The following TOLLIP variants were observed in gnomAD, a reference collection of about 807,000 sequenced individuals.
TOLLIP encodes the protein toll-interacting protein.
TOLLIP carries 16 observed loss-of-function variants against 33.5 expected under a neutral mutation model. The ratio of observed to expected loss-of-function variants is 0.48; its 90% confidence interval spans 0.32 to 0.72. The LOEUF (loss-of-function observed/expected upper bound fraction) is 0.72. Ranked by LOEUF, TOLLIP falls within the 30% of genes least tolerant of loss-of-function variation. The pLI is 0.03. For synonymous variants in TOLLIP, 176 were observed against 163.7 expected, an observed-to-expected ratio of 1.07 and a Z score of -0.57; for missense variants, 325 against 396.6, an observed-to-expected ratio of 0.82 and a Z score of 1.53.
In TOLLIP at chr11:1,277,222, C is replaced by A; in HGVS notation, c.642G>T (p.Val214=). 1 of 1,585,334 alleles carries A rather than the reference C, an allele frequency of 6.3e-7. No individual in the cohort carries two copies. Among genetic ancestry groups the A allele is most frequent in the African/African-American group, 1.3e-5 (1 of 74,442 alleles). The change falls in exon 6 of 6, where the codon GTG becomes GTT. Residue 214 remains valine, a synonymous_variant. Transcript: ENST00000317204. This position sits in a 1 kb window ranked among gnomAD's most constrained non-coding sequence, Gnocchi z 4.2. ...GMPAVCSPGM[V]PVALPPAAVN... ...CGGCGGCCGGGGGCAGGGCCACGGG[C>A]ACCATGCCGGGGCTACAGACAGCGG... is the stretch of plus-strand genomic sequence containing the variant.
At chr11:1,307,382 C>T (rs143854023) in intron 1 of TOLLIP, among the ~76,000 whole-genome samples, 36 of 152,324 alleles carry the variant, frequency 2.4e-4, no homozygotes, top group African/African-American at 8.2e-4. Context: ...CGTGTGAGAA[C>T]ATCTCCTGCC....
rs1863255760 is a variant in TOLLIP, at chr11:1,275,287, G to A, written c.*1752C>T. On this transcript the variant is annotated 3_prime_UTR_variant, in exon 6 of 6. Coordinates refer to ENST00000317204, the MANE Select transcript of TOLLIP (RefSeq NM_019009.4). The stretch of plus-strand genomic sequence containing the variant: ...CAGCAACGCGAAGGCAGAAACCGGT[G>A]CTGGTGGCCACACCTGGGCGCCTGG... The A allele has an allele frequency of 6.6e-6, 1 of 152,264 alleles. No homozygotes were observed. The highest frequency in any genetic ancestry group is 1.5e-5 in the Non-Finnish European group (1 of 68,068). 9.4% of individuals were successfully genotyped at this position (152,264 alleles called of 1,614,324 possible). A position where few individuals can be genotyped will look rare whatever the true frequency, so the allele number is the denominator to read the frequency against.
intron 5 of TOLLIP, among the ~76,000 whole-genome samples, chr11:1,281,778 C>T (rs1410333375): frequency 2.6e-5 from 4 of 152,254 alleles, no homozygotes; most frequent in Admixed American, 2.6e-4. Flanking sequence ...CCATGTGAGT[C>T]ATAAACACTT....
chr11:1,288,272 G>A (rs1863812592), intron 4 of TOLLIP, among the ~76,000 whole-genome samples: 1 of 152,194 alleles, frequency 6.6e-6, no homozygotes, highest in Admixed American at 6.5e-5. Flanking sequence ...GACCCTGGAG[G>A]GCTGCTCAGC....
rs1446543930 is a variant in TOLLIP, at chr11:1,278,587, C to T, written c.611-1334G>A. Among the ~76,000 whole-genome samples the T allele has an allele frequency of 6.6e-6, 1 of 152,164 alleles. No individual in the cohort carries two copies. The highest frequency in any genetic ancestry group is 1.5e-5 in the Non-Finnish European group (1 of 68,028). On this transcript the variant is annotated intron_variant, in intron 5 of 5. Transcript: ENST00000317204. The surrounding 1 kb of genome is among the most constrained non-coding windows in gnomAD (Gnocchi z 4.7). Reference sequence around the variant, plus strand: ...GCTTCCCGGCTCCTTCTAGGCCAGGCCGACTCTTCCTCCACACCCACCCCT... The same window carrying T: ...GCTTCCCGGCTCCTTCTAGGCCAGGTCGACTCTTCCTCCACACCCACCCCT...
In TOLLIP at chr11:1,276,859, G is replaced by T; in HGVS notation, c.*180C>A. 1.3e-6 allele frequency: 2 copies of T among 1,534,144 alleles called. No homozygotes were observed. The highest frequency in any genetic ancestry group is 1.7e-6 in the Non-Finnish European group (2 of 1,145,580). ...GGGAGCCCCCGCCCCGTCCTGGACC[G>T]CCAGGAACCGAAAACCCACATGCAC... On this transcript the variant is annotated 3_prime_UTR_variant, in exon 6 of 6. Coordinates refer to ENST00000317204, the MANE Select transcript of TOLLIP (RefSeq NM_019009.4).
Position 1,276,744 on chromosome 11 carries a change from C to T in TOLLIP, c.*295G>A, listed in dbSNP as rs5744019. Reference sequence around the variant, plus strand: ...TGGCAGAAGCAGCTGCTCTCTACAGCAAGAGCATTTTCCAGAACGGCATGA... The same window carrying T: ...TGGCAGAAGCAGCTGCTCTCTACAGTAAGAGCATTTTCCAGAACGGCATGA... On this transcript the variant is annotated 3_prime_UTR_variant, in exon 6 of 6. Coordinates refer to ENST00000317204, the MANE Select transcript of TOLLIP (RefSeq NM_019009.4). The T allele has an allele frequency of 6.8e-7, 1 of 1,472,910 alleles. No individual in the cohort carries two copies. 91.2% of individuals were successfully genotyped at this position (1,472,910 alleles called of 1,614,324 possible).
intron 2 of TOLLIP, among the ~76,000 whole-genome samples, chr11:1,293,327 A>G (rs1669968115): frequency 6.6e-6 from 1 of 152,160 alleles, no homozygotes; most frequent in Non-Finnish European, 1.5e-5. Flanking sequence ...TCTGGGGTGG[A>G]GCTGAGTGGT....
At chr11:1,302,620 G>T (rs1864316088) in intron 1 of TOLLIP, 1 of 987,382 alleles carries the variant, frequency 1.0e-6, no homozygotes. Flanking sequence ...GCCAGCCTCG[G>T]CCTCACGCTC....
At chr11:1,279,951 GT>G (rs1863440359) in intron 5 of TOLLIP, among the ~76,000 whole-genome samples, 1 of 152,192 alleles carries the variant, frequency 6.6e-6, no homozygotes, top group Non-Finnish European at 1.5e-5. Flanking sequence ...GGGGACGACC[GT>G]CCAGCTCAGA....
rs1864351393 is a variant in TOLLIP, at chr11:1,303,813, ATC to A, written c.33+5651_33+5652del. Among the ~76,000 whole-genome samples the A allele has an allele frequency of 3.3e-5, 5 of 152,244 alleles. No individual in the cohort carries two copies. The highest frequency in any genetic ancestry group is 1.2e-4 in the African/African-American group (5 of 41,468). ...AACTTTGGGAGGCTGAGGTGGGCGG[ATC>A]ACTTGAGACCAGGAGTTCGAGAACA... On this transcript the variant is annotated intron_variant, in intron 1 of 5. Coordinates refer to ENST00000317204, the MANE Select transcript of TOLLIP (RefSeq NM_019009.4). This position sits in a 1 kb window ranked among gnomAD's most constrained non-coding sequence, Gnocchi z 4.2.
chr11:1,281,067 C>G (rs5743997), intron 5 of TOLLIP, among the ~76,000 whole-genome samples: 1 of 152,234 alleles, frequency 6.6e-6, no homozygotes, highest in African/African-American at 2.4e-5. Flanking sequence ...AGATGCTTCA[C>G]GCCTAGATGT....
chr11:1,295,651 C>T lies in TOLLIP; in HGVS notation c.177G>A (p.Val59=). ...VGTVGRLNIT[V]VQAKLAKNYG... Reference sequence around the variant, plus strand: ...AGGGTGCCCCAAGGCCCACCTGTACCACCGTGATGTTCAGTCGGCCCACGG... The same window carrying T: ...AGGGTGCCCCAAGGCCCACCTGTACTACCGTGATGTTCAGTCGGCCCACGG... The change falls in exon 2 of 6, where the codon GTG becomes GTA. Residue 59 remains valine, a synonymous_variant. Coordinates refer to ENST00000317204, the MANE Select transcript of TOLLIP (RefSeq NM_019009.4). 2.5e-6 allele frequency: 4 copies of T among 1,578,308 alleles called. No individual in the cohort carries two copies. Among genetic ancestry groups the T allele is most frequent in the Non-Finnish European group, 3.5e-6 (4 of 1,155,748 alleles).
rs371584235 is a variant in TOLLIP, at chr11:1,295,786, G to A, written c.42C>T (p.Ile14=). 138 of 1,570,934 alleles carry A rather than the reference G, an allele frequency of 8.8e-5. 1 individual carries two copies. Among genetic ancestry groups the A allele is most frequent in the Non-Finnish European group, 1.0e-4 (120 of 1,157,042 alleles). ...GGAGGAAGTCCTGCGGGAGCTCACC[G>A]ATGTACACCTGCGGGGCCGGGGACC... The part of the protein sequence containing the change: ...TVSTQRGPVY[I]GELPQDFLRI... Residue 14 remains isoleucine (I), a synonymous_variant, in exon 2 of 6, where the codon ATC becomes ATT. Transcript: ENST00000317204.
chr11:1,295,396 G>C (rs547215325), intron 2 of TOLLIP: 1 of 389,254 alleles, frequency 2.6e-6, no homozygotes, highest in African/African-American at 2.0e-5. Flanking sequence ...GGAAGAGCCA[G>C]GCCCTACACA....
intron 5 of TOLLIP, chr11:1,283,162 T>A (rs1202620182): frequency 5.0e-6 from 1 of 201,400 alleles, no homozygotes; most frequent in African/African-American, 2.3e-5. Context: ...CTGGGTGGAA[T>A]CTGCGGTGGT....
chr11:1,309,606 C>T lies in TOLLIP; in HGVS notation c.-108G>A. ...GGAGACAGTTGTCACCTCGAGGCCG[C>T]CGCCGCCACAGTCAGCTGACAGCCG... On this transcript the variant is annotated 5_prime_UTR_variant, in exon 1 of 6. Coordinates refer to ENST00000317204, the MANE Select transcript of TOLLIP (RefSeq NM_019009.4). 2 of 433,906 alleles carry T rather than the reference C, an allele frequency of 4.6e-6. No homozygotes were observed. The highest frequency in any genetic ancestry group is 4.8e-5 in the Admixed American group (1 of 20,782). 26.9% of individuals were successfully genotyped at this position (433,906 alleles called of 1,614,324 possible).
rs985736826 is a variant in TOLLIP at position 1,303,852 on chromosome 11, A to G, written c.33+5614T>C. 6.6e-6 allele frequency among the ~76,000 whole-genome samples: 1 copy of G among 152,180 alleles called. No homozygotes were observed. The highest frequency in any genetic ancestry group is 1.5e-5 in the Non-Finnish European group (1 of 68,024). ...GGAGTTCGAGAACAGCCTGGCCAAC[A>G]TGGTGAAACCCCATCTCTACTAAAA... On this transcript the variant is annotated intron_variant, in intron 1 of 5. Transcript: ENST00000317204. The surrounding 1 kb of genome is among the most constrained non-coding windows in gnomAD (Gnocchi z 4.2).
intron 4 of TOLLIP, among the ~76,000 whole-genome samples, chr11:1,288,299 A>T (rs1181992488): frequency 1.3e-5 from 2 of 152,196 alleles, no homozygotes; most frequent in Admixed American, 6.5e-5. Context: ...CTAAGGGCAG[A>T]GCTTGGAAGG....
Sources: allele counts gnomAD v4.1 joint callset (sites outside exome capture counted in the v4.1 genomes callset), GRCh38; gene constraint gnomAD v4.1.1; non-coding constraint Gnocchi (gnomAD v3.1); transcripts MANE v1.5; gene names NCBI Gene and HGNC (gene_info 2026-07-23, HGNC 2026-07-21).